Variants in PRKG1 observed in about 807,000 individuals in gnomAD.
PRKG1 encodes cGMP-dependent protein kinase 1.
PRKG1 carries 35 observed loss-of-function variants against 88.1 expected under a neutral mutation model. That is an observed-to-expected ratio of 0.40 (90% confidence interval 0.30 to 0.53). The LOEUF (loss-of-function observed/expected upper bound fraction) is 0.53, where lower values mean the gene tolerates loss of function less well. PRKG1 is among the 20% of genes least tolerant of loss of function. The pLI is 0.59. For missense variants in PRKG1, 540 were observed against 839.8 expected (o/e 0.64, Z 4.41); for synonymous variants, 303 against 292.5 (o/e 1.04, Z -0.37).
At chr10:51,609,727 T>G (rs1367558017) in intron 3 of PRKG1, among the ~76,000 whole-genome samples, 1 of 152,066 alleles carries the variant, frequency 6.6e-6, no homozygotes, top group Non-Finnish European at 1.5e-5. Context: ...CTCAGCAAAC[T>G]AACACAGGAA....
intron 3 of PRKG1, among the ~76,000 whole-genome samples, chr10:51,756,763 T>C (rs55985240): frequency 0.41 from 62,056 of 150,312 alleles, 13,311 homozygotes; most frequent in Middle Eastern, 0.56. Context: ...TGCAGTGAGC[T>C]GAGATCGCGC....
chr10:51,895,120 G>A (rs968941263), intron 4 of PRKG1, among the ~76,000 whole-genome samples: 10 of 152,204 alleles, frequency 6.6e-5, no homozygotes, highest in African/African-American at 2.4e-4. Flanking sequence ...CATCTGGACT[G>A]AGACTTATTG....
intron 3 of PRKG1, chr10:51,696,074 G>A (rs571017857): frequency 6.6e-6 from 1 of 152,116 alleles, no homozygotes; most frequent in Admixed American, 6.6e-5. Context: ...TTGTCTCATT[G>A]GTATGTATAT....
chr10:51,238,933 T>G (rs1021702802), intron 2 of PRKG1, among the ~76,000 whole-genome samples: 8 of 152,028 alleles, frequency 5.3e-5, no homozygotes, highest in African/African-American at 1.9e-4. Context: ...TTTTTTAATT[T>G]TGGTATGTTT....
intron 1 of PRKG1, among the ~76,000 whole-genome samples, chr10:51,103,935 A>G (rs1280206033): frequency 2.6e-5 from 4 of 152,258 alleles, no homozygotes; most frequent in African/African-American, 7.2e-5. Context: ...ACAATTACTC[A>G]TAATGTACTG....
chr10:52,047,197 A>G (rs1845881609), intron 5 of PRKG1, among the ~76,000 whole-genome samples: 1 of 152,146 alleles, frequency 6.6e-6, no homozygotes, highest in Non-Finnish European at 1.5e-5. Flanking sequence ...TGATATGAGG[A>G]ACAAAAATTT....
At chr10:51,690,351 T>C (rs1190476415) in intron 3 of PRKG1, among the ~76,000 whole-genome samples, 1 of 151,382 alleles carries the variant, frequency 6.6e-6, no homozygotes, top group Non-Finnish European at 1.5e-5. Context: ...CAGGGCTATA[T>C]AGGACACATA....
chr10:52,264,792 G>A (rs1841531467), intron 10 of PRKG1, among the ~76,000 whole-genome samples: 1 of 151,994 alleles, frequency 6.6e-6, no homozygotes, highest in Admixed American at 6.6e-5. Context: ...TTCTTTGAAA[G>A]TTAGCAACAC....
At chr10:51,309,128 A>G (rs2132485455) in intron 2 of PRKG1, among the ~76,000 whole-genome samples, 1 of 152,296 alleles carries the variant, frequency 6.6e-6, no homozygotes, top group Non-Finnish European at 1.5e-5. Flanking sequence ...CAGTTGGTCA[A>G]GTGCAACAAA....
intron 3 of PRKG1, among the ~76,000 whole-genome samples, chr10:51,750,039 G>A (rs112054979): frequency 0.018 from 2,783 of 150,900 alleles, 39 homozygotes; most frequent in Non-Finnish European, 0.028. Flanking sequence ...AGGTTTAAGC[G>A]ATTCTCCTGT....
intron 5 of PRKG1, among the ~76,000 whole-genome samples, chr10:52,037,141 G>A (rs1564441403): frequency 2.0e-5 from 3 of 152,228 alleles, no homozygotes; most frequent in African/African-American, 7.2e-5. Context: ...TTTTCAGTGG[G>A]GTCCCACACA....
At chr10:52,261,391 C>T (rs1212486616) in intron 10 of PRKG1, among the ~76,000 whole-genome samples, 1 of 151,980 alleles carries the variant, frequency 6.6e-6, no homozygotes, top group African/African-American at 2.4e-5. Context: ...CAGATGGATT[C>T]AAATGAAAAG....
At chr10:51,960,714 A>C (rs970089691) in intron 5 of PRKG1, among the ~76,000 whole-genome samples, 1 of 152,196 alleles carries the variant, frequency 6.6e-6, no homozygotes, top group Non-Finnish European at 1.5e-5. Flanking sequence ...TCTGTGATCC[A>C]ACTGAAATGG....
At chr10:51,615,166 C>G (rs1839016107) in intron 3 of PRKG1, among the ~76,000 whole-genome samples, 1 of 151,848 alleles carries the variant, frequency 6.6e-6, no homozygotes, top group Non-Finnish European at 1.5e-5. Context: ...CCATTATCTC[C>G]TGGCCTATAA....
chr10:51,291,046 G>A (rs1840570206), intron 2 of PRKG1, among the ~76,000 whole-genome samples: 1 of 152,178 alleles, frequency 6.6e-6, no homozygotes, highest in Non-Finnish European at 1.5e-5. Flanking sequence ...CTTCAGTGAA[G>A]TGAGCCTTTT....
chr10:51,186,958 A>ATATATATATATATATATATATATATATG, intron 2 of PRKG1, among the ~76,000 whole-genome samples: 1 of 46,496 alleles, frequency 2.2e-5, no homozygotes, highest in Admixed American at 2.6e-4. Context: ...CCTGTGTTAT[A>ATATATATATATATATATATATATATATG]TATATATATA....
chr10:52,114,046 T>C (rs1217716742), intron 7 of PRKG1, among the ~76,000 whole-genome samples: 5 of 152,086 alleles, frequency 3.3e-5, no homozygotes, highest in Non-Finnish European at 5.9e-5. Context: ...ATCACAAGAA[T>C]AGAAGGGAGT....
intron 5 of PRKG1, among the ~76,000 whole-genome samples, chr10:51,970,094 A>C (rs1843673395): frequency 6.6e-6 from 1 of 151,156 alleles, no homozygotes; most frequent in Non-Finnish European, 1.5e-5. Flanking sequence ...CTGAACCATT[A>C]TGTTATATAT....
intron 6 of PRKG1, among the ~76,000 whole-genome samples, chr10:52,061,684 G>T (rs536108949): frequency 6.6e-6 from 1 of 152,196 alleles, no homozygotes; most frequent in African/African-American, 2.4e-5. Context: ...TGTGGAGAAT[G>T]CCAAAGAAAT....
Sources: gnomAD v4.1 joint callset for allele counts (sites outside exome capture counted in the v4.1 genomes callset) on GRCh38, gnomAD v4.1.1 for gene constraint, MANE v1.5 for transcripts, NCBI Gene and HGNC (gene_info 2026-07-23, HGNC 2026-07-21) for gene names.